The following ABCA1 variants were observed in gnomAD, a reference collection of about 807,000 sequenced individuals.
The protein encoded by ABCA1 is phospholipid-transporting ATPase ABCA1.
Under a neutral mutation model 262.5 loss-of-function variants are expected in ABCA1, and 133 were observed. The ratio of observed to expected loss-of-function variants is 0.51; its 90% confidence interval spans 0.44 to 0.59. The LOEUF (loss-of-function observed/expected upper bound fraction) is 0.59. ABCA1 is among the 20% of genes least tolerant of loss of function. ABCA1 has a pLI of 0.00. For synonymous variants in ABCA1, 1,022 were observed against 1,043.5 expected (o/e 0.98, Z 0.40); for missense variants, 2,452 against 2,777.5 (o/e 0.88, Z 2.63).
chr9:104,879,529 T>C (rs1463032863), intron 5 of ABCA1, among the ~76,000 whole-genome samples: 3 of 152,136 alleles, frequency 2.0e-5, no homozygotes, highest in African/African-American at 7.2e-5. Flanking sequence ...GAATCTAAAA[T>C]GGTTTTGGGA....
rs994068209 is a variant in ABCA1 at position 104,884,704 on chromosome 9, G to A, written c.161-136C>T. 14 of 1,028,980 alleles carry A rather than the reference G, an allele frequency of 1.4e-5. No homozygotes were observed. In the African/African-American group the frequency reaches 1.7e-4, roughly 13 times the overall value. The allele number at this position is 1,028,980 out of a possible 1,614,324, so 63.7% of individuals were successfully genotyped here. On this transcript the variant is annotated intron_variant, in intron 3 of 49. Transcript: ENST00000374736. ...CACATCCCAGAGACCTGTCTCTTCT[G>A]AATAAAACTGACTCTCAGGTGGAAA...
intron 36 of ABCA1, among the ~76,000 whole-genome samples, chr9:104,799,136 T>G (rs1222910446): frequency 6.6e-6 from 1 of 152,132 alleles, no homozygotes; most frequent in Non-Finnish European, 1.5e-5. Flanking sequence ...CATGGGGTCT[T>G]GGTATAAAGA....
chr9:104,847,227 C>T (rs767664691), intron 7 of ABCA1, among the ~76,000 whole-genome samples: 62 of 152,282 alleles, frequency 4.1e-4, no homozygotes, highest in Non-Finnish European at 7.6e-4. Flanking sequence ...ATTCTTGTCA[C>T]TCACTCTCCC....
rs577742419 is a variant in ABCA1, at chr9:104,882,961, A to G, written c.421+78T>C. On this transcript the variant is annotated intron_variant, in intron 5 of 49. Coordinates refer to ENST00000374736, the MANE Select transcript of ABCA1 (RefSeq NM_005502.4). ...GGAAGATCTAATGGGAACAAGCCCC[A>G]GACACCTGGGCTACTCTCTTTCCCT... 1.9e-3 allele frequency: 2,530 copies of G among 1,334,220 alleles called. 7 individuals carry two copies. Among genetic ancestry groups the G allele is most frequent in the Non-Finnish European group, 2.6e-3 (2,406 of 924,826 alleles). The allele number at this position is 1,334,220 out of a possible 1,614,324, so 82.6% of individuals were successfully genotyped here. A position where few individuals can be genotyped will look rare whatever the true frequency, so the allele number is the denominator to read the frequency against.
At chr9:104,883,728 G>A (rs3904997) in intron 4 of ABCA1, among the ~76,000 whole-genome samples, 30,406 of 152,094 alleles carry the variant, frequency 0.2, 3,147 homozygotes, top group South Asian at 0.31. Context: ...GTGGCCCTGC[G>A]TGCCGCAGCT....
rs200295108 is a variant in ABCA1, at chr9:104,897,128, GA to G, written c.66+6485del. Among the ~76,000 whole-genome samples the G allele has an allele frequency of 5.8e-3, 885 of 152,222 alleles. 7 individuals carry two copies. The highest frequency in any genetic ancestry group is 0.019 in the African/African-American group (808 of 41,520). ...TGGGATGACATGATATGAATGTGAA[GA>G]AAAATTAATTTTAGACCCATCCCTA... On this transcript the variant is annotated intron_variant, in intron 2 of 49. Coordinates refer to ENST00000374736, the MANE Select transcript of ABCA1 (RefSeq NM_005502.4).
At chr9:104,923,572 T>C (rs1057357006) in intron 1 of ABCA1, among the ~76,000 whole-genome samples, 4 of 152,212 alleles carry the variant, frequency 2.6e-5, no homozygotes, top group African/African-American at 9.6e-5. Flanking sequence ...TGATCATCCT[T>C]GAAAAGCTCC....
intron 5 of ABCA1, among the ~76,000 whole-genome samples, chr9:104,872,921 T>C (rs779363250): frequency 6.6e-6 from 1 of 152,272 alleles, no homozygotes; most frequent in African/African-American, 2.4e-5. Context: ...TTTTCTATTC[T>C]TGTCTGAGTA....
rs199728899 is a variant in ABCA1, at chr9:104,883,009, T to C, written c.421+30A>G. On this transcript the variant is annotated intron_variant, in intron 5 of 49. Transcript: ENST00000374736. The stretch of plus-strand genomic sequence containing the variant: ...CCTGGTGCAGGTCAATTTCCAATTA[T>C]AAACGGATGCAGAGAAGGTTTTTAC... 1.4e-4 allele frequency: 219 copies of C among 1,564,096 alleles called. 1 individual carries two copies. In the African/African-American group the frequency reaches 2.5e-3, roughly 18 times the overall value.
chr9:104,781,799 A>G lies in ABCA1; in HGVS notation c.*2516T>C, dbSNP rs1032727777. 1 of 152,600 alleles carries G rather than the reference A, an allele frequency of 6.6e-6. No individual in the cohort carries two copies. Among genetic ancestry groups the G allele is most frequent in the Non-Finnish European group, 1.5e-5 (1 of 68,002 alleles). The allele number at this position is 152,600 out of a possible 1,614,324, so 9.5% of individuals were successfully genotyped here. ...AACACGTATTTTGAGAATTTCTGAA[A>G]CTCACATAGGTACATTCCACAGGGA... is the stretch of plus-strand genomic sequence containing the variant. On this transcript the variant is annotated 3_prime_UTR_variant, in exon 50 of 50. Transcript: ENST00000374736.
intron 3 of ABCA1, among the ~76,000 whole-genome samples, chr9:104,887,080 C>A (rs1210539893): frequency 6.6e-6 from 1 of 152,144 alleles, no homozygotes; most frequent in Non-Finnish European, 1.5e-5. Context: ...GAGTTCGAGA[C>A]CAGTGTGGTC....
chr9:104,880,316 A>C (rs1392275107), intron 5 of ABCA1, among the ~76,000 whole-genome samples: 1 of 152,092 alleles, frequency 6.6e-6, no homozygotes, highest in Non-Finnish European at 1.5e-5. Context: ...TTCTCTCCGA[A>C]ATTGACAAGA....
chr9:104,863,431 T>C (rs113648265), intron 5 of ABCA1, among the ~76,000 whole-genome samples: 1 of 152,174 alleles, frequency 6.6e-6, no homozygotes. Context: ...GGGCAAACTT[T>C]GCAAACTGAA....
intron 24 of ABCA1, 74 bp from the exon 25 acceptor site, chr9:104,816,419 C>T (rs1332051872): frequency 7.0e-7 from 1 of 1,435,828 alleles, no homozygotes; most frequent in African/African-American, 1.4e-5. Flanking sequence ...CCATCCCCCA[C>T]CCTCTCATCA....
intron 14 of ABCA1, among the ~76,000 whole-genome samples, chr9:104,829,593 A>T (rs1273970381): frequency 6.6e-6 from 1 of 152,202 alleles, no homozygotes; most frequent in Non-Finnish European, 1.5e-5. Flanking sequence ...TAGAAAATGC[A>T]GATGTGCAAA....
At chr9:104,802,273 G>T (rs1036606930) in intron 33 of ABCA1, 114 bp from the exon 34 acceptor site, 2 of 970,248 alleles carry the variant, frequency 2.1e-6, no homozygotes, top group Admixed American at 2.1e-5. Context: ...GTTCAAAGGA[G>T]GGCTAAATTT....
intron 27 of ABCA1, among the ~76,000 whole-genome samples, chr9:104,813,749 C>A (rs1420233447): frequency 6.6e-6 from 1 of 152,210 alleles, no homozygotes; most frequent in East Asian, 1.9e-4. Context: ...TTAACTCTAA[C>A]AGCAAATTCC....
At chr9:104,812,845 A>G in intron 27 of ABCA1, 123 bp from the exon 28 acceptor site, 1 of 1,277,578 alleles carries the variant, frequency 7.8e-7, no homozygotes, top group Non-Finnish European at 1.1e-6. Flanking sequence ...GAAGTTTCTC[A>G]GAAGTAAAGG....
At chr9:104,877,885 C>A (rs1838289121) in intron 5 of ABCA1, among the ~76,000 whole-genome samples, 1 of 152,260 alleles carries the variant, frequency 6.6e-6, no homozygotes, top group African/African-American at 2.4e-5. Context: ...ACAAACTACT[C>A]TCACAAGTTT....
Sources: allele counts gnomAD v4.1 joint callset (sites outside exome capture counted in the v4.1 genomes callset), GRCh38; gene constraint gnomAD v4.1.1; transcripts MANE v1.5; gene names NCBI Gene and HGNC (gene_info 2026-07-23, HGNC 2026-07-21).